FER1L6: variants seen among roughly 807,000 people sequenced by gnomAD.
FER1L6 encodes fer-1-like protein 6.
In FER1L6, 177 loss-of-function variants were observed where a neutral mutation model predicts 219.2. The ratio of observed to expected loss-of-function variants is 0.81; its 90% confidence interval spans 0.71 to 0.91. FER1L6 has a LOEUF of 0.91. Among genes scored for constraint, FER1L6 ranks in the 40% least tolerant of loss-of-function variants. The probability of loss-of-function intolerance (pLI) is 0.00; values close to 1 mark genes in which losing one functional copy is unlikely to be tolerated. For synonymous variants in FER1L6, 768 were observed against 824.3 expected, an observed-to-expected ratio of 0.93 and a Z score of 1.17; for missense variants, 2,153 against 2,259.9, an observed-to-expected ratio of 0.95 and a Z score of 0.96.
chr8:124,012,350 T>G (rs1194327811), intron 14 of FER1L6, among the ~76,000 whole-genome samples: 2 of 152,250 alleles, frequency 1.3e-5, no homozygotes, highest in Non-Finnish European at 2.9e-5. Flanking sequence ...GTTGAGCTGG[T>G]CTTACTTCTC....
chr8:123,990,555 G>T (rs1410913724), intron 12 of FER1L6, among the ~76,000 whole-genome samples: 1 of 151,962 alleles, frequency 6.6e-6, no homozygotes, highest in Non-Finnish European at 1.5e-5. Flanking sequence ...TATGTCATTT[G>T]CCAACTTTTT....
chr8:123,885,527 G>A (rs1453544598), intron 1 of FER1L6, among the ~76,000 whole-genome samples: 2 of 152,180 alleles, frequency 1.3e-5, no homozygotes, highest in Non-Finnish European at 2.9e-5. Flanking sequence ...TCTAGTGACA[G>A]ACACTGATAT....
chr8:124,108,593 A>G (rs1822877781), intron 39 of FER1L6, among the ~76,000 whole-genome samples: 1 of 152,204 alleles, frequency 6.6e-6, no homozygotes, highest in Admixed American at 6.5e-5. Flanking sequence ...AAATGTAAGA[A>G]AAAAGATGGG....
intron 1 of FER1L6, among the ~76,000 whole-genome samples, chr8:123,929,134 AGGGATGGTT>A (rs1813671575): frequency 6.6e-6 from 1 of 152,200 alleles, no homozygotes; most frequent in African/African-American, 2.4e-5. Context: ...AGGTGTATTA[AGGGATGGTT>A]GGAACAAAGA....
chr8:123,862,759 A>G (rs2130257198), intron 1 of FER1L6, among the ~76,000 whole-genome samples: 1 of 115,102 alleles, frequency 8.7e-6, no homozygotes, highest in African/African-American at 4.0e-5. Flanking sequence ...TTTCTAGTTT[A>G]TTTGCGTAGA....
intron 29 of FER1L6, among the ~76,000 whole-genome samples, chr8:124,070,258 A>G (rs997845720): frequency 6.6e-6 from 1 of 152,194 alleles, no homozygotes; most frequent in Non-Finnish European, 1.5e-5. Context: ...TTTGGAATTT[A>G]AAAGTTCATC....
At chr8:123,954,860 G>A (rs1044349343) in intron 1 of FER1L6, among the ~76,000 whole-genome samples, 1 of 152,170 alleles carries the variant, frequency 6.6e-6, no homozygotes, top group South Asian at 2.1e-4. Flanking sequence ...TGGGATTTGA[G>A]CCTTTGCTGC....
At chr8:123,892,796 T>C (rs993068146) in intron 1 of FER1L6, among the ~76,000 whole-genome samples, 3 of 152,228 alleles carry the variant, frequency 2.0e-5, no homozygotes, top group African/African-American at 7.2e-5. Flanking sequence ...AAATTTCAAG[T>C]TCTAAATTTA....
chr8:123,908,630 T>TGTAA (rs1404736150), intron 1 of FER1L6, among the ~76,000 whole-genome samples: 1 of 152,198 alleles, frequency 6.6e-6, no homozygotes, highest in Non-Finnish European at 1.5e-5. Context: ...ATTTACTAAG[T>TGTAA]GTAAGGATAA....
At chr8:124,020,146 A>G (rs532319308) in intron 16 of FER1L6, among the ~76,000 whole-genome samples, 1 of 152,254 alleles carries the variant, frequency 6.6e-6, no homozygotes, top group Admixed American at 6.5e-5. Context: ...TTCCCTGCAC[A>G]AGCTCTGTTT....
intron 16 of FER1L6, among the ~76,000 whole-genome samples, chr8:124,019,553 A>G (rs990519198): frequency 6.6e-6 from 1 of 152,178 alleles, no homozygotes; most frequent in Non-Finnish European, 1.5e-5. Context: ...GAGGCTTCCT[A>G]TGTGCCACAC....
At chr8:124,087,086 G>A (rs996888655) in intron 33 of FER1L6, among the ~76,000 whole-genome samples, 1 of 151,882 alleles carries the variant, frequency 6.6e-6, no homozygotes, top group Non-Finnish European at 1.5e-5. Context: ...AAATCTGCTT[G>A]GTGTTCTATA....
intron 1 of FER1L6, among the ~76,000 whole-genome samples, chr8:123,907,869 A>G (rs80192155): frequency 0.01 from 1,581 of 151,938 alleles, 10 homozygotes; most frequent in African/African-American, 0.021. Flanking sequence ...AGGGGCAGTA[A>G]ACTTACAAAT....
chr8:123,948,791 T>A (rs929460001), intron 1 of FER1L6, among the ~76,000 whole-genome samples: 4 of 152,032 alleles, frequency 2.6e-5, no homozygotes, highest in African/African-American at 9.7e-5. Context: ...TTTTTTTTTT[T>A]TAAATATCAG....
At chr8:124,002,807 A>G (rs897294338) in intron 12 of FER1L6, among the ~76,000 whole-genome samples, 1 of 151,442 alleles carries the variant, frequency 6.6e-6, no homozygotes, top group Non-Finnish European at 1.5e-5. Context: ...AAAATGACGT[A>G]TCTATGATTC....
At chr8:123,995,804 C>T (rs1817107364) in intron 12 of FER1L6, among the ~76,000 whole-genome samples, 1 of 151,920 alleles carries the variant, frequency 6.6e-6, no homozygotes, top group Non-Finnish European at 1.5e-5. Context: ...GTGCTTATTG[C>T]TATAAACATT....
At chr8:123,872,876 C>T (rs1816948248) in intron 1 of FER1L6, among the ~76,000 whole-genome samples, 1 of 152,186 alleles carries the variant, frequency 6.6e-6, no homozygotes. Context: ...TAACTTCTGT[C>T]CTCCAACTAT....
intron 1 of FER1L6, among the ~76,000 whole-genome samples, chr8:123,874,682 A>G (rs1186173856): frequency 6.6e-6 from 1 of 152,162 alleles, no homozygotes; most frequent in East Asian, 1.9e-4. Flanking sequence ...ATCTAAGTCA[A>G]TCCCCTCTGT....
chr8:124,119,727 C>T lies in FER1L6; in HGVS notation c.5511C>T (p.Phe1837=), dbSNP rs1416395020. ...IAFILIILII[F]LVLFIYTLPG... ...TCATTCTCATCATCCTCATCATCTTCCTCGTCCTTTTCATCTACACCTTGC... is the reference window on the plus strand; with the variant it reads ...TCATTCTCATCATCCTCATCATCTTTCTCGTCCTTTTCATCTACACCTTGC... The change falls in exon 41 of 41, where the codon TTC becomes TTT. Residue 1837 remains phenylalanine, a synonymous_variant. Coordinates refer to ENST00000522917, the MANE Select transcript of FER1L6 (RefSeq NM_001039112.2). The T allele has an allele frequency of 6.2e-7, 1 of 1,613,660 alleles. No individual in the cohort carries two copies. The highest frequency in any genetic ancestry group is 8.5e-7 in the Non-Finnish European group (1 of 1,179,804).
Sources: gnomAD v4.1 joint callset for allele counts (sites outside exome capture counted in the v4.1 genomes callset) on GRCh38, gnomAD v4.1.1 for gene constraint, MANE v1.5 for transcripts, NCBI Gene and HGNC (gene_info 2026-07-23, HGNC 2026-07-21) for gene names.